The following UNC5CL variants were observed in gnomAD, a reference collection of about 807,000 sequenced individuals.
UNC5CL encodes the protein unc-5 family C-terminal like, also known as UNC5C-like protein.
Under a neutral mutation model 54.1 loss-of-function variants are expected in UNC5CL, and 42 were observed. The ratio of observed to expected loss-of-function variants is 0.78; its 90% CI spans 0.61 to 1.00. The LOEUF is 1.00. UNC5CL is among the 50% of genes least tolerant of loss of function. The pLI is 0.00. For missense variants in UNC5CL, 619 were observed against 675.6 expected, an observed-to-expected ratio of 0.92 and a Z score of 0.93; for synonymous variants, 285 against 285.1, an observed-to-expected ratio of 1.00 and a Z score of 0.00.
chr6:41,036,103 A>G (rs1289557743), intron 1 of UNC5CL, among the ~76,000 whole-genome samples: 1 of 152,286 alleles, frequency 6.6e-6, no homozygotes, highest in Non-Finnish European at 1.5e-5. Context: ...AGTGGTGTAC[A>G]ATAAAAATGT....
intron 1 of UNC5CL, among the ~76,000 whole-genome samples, chr6:41,035,392 G>A (rs76161023): frequency 2.0e-5 from 3 of 152,188 alleles, no homozygotes; most frequent in Non-Finnish European, 4.4e-5. Flanking sequence ...ATGTCACCTT[G>A]GTCACTGTGG....
Sources: allele counts gnomAD v4.1 joint callset (sites outside exome capture counted in the v4.1 genomes callset), GRCh38; gene constraint gnomAD v4.1.1; transcripts MANE v1.5; gene names NCBI Gene and HGNC (gene_info 2026-07-23, HGNC 2026-07-21).